Variants in FLT1 observed in about 807,000 individuals in gnomAD.
FLT1 encodes the protein vascular endothelial growth factor receptor 1.
A neutral mutation model predicts 156.3 loss-of-function variants in FLT1; 49 were observed. The ratio of observed to expected loss-of-function variants is 0.31; its 90% confidence interval spans 0.25 to 0.40. The LOEUF (loss-of-function observed/expected upper bound fraction) is 0.40, where lower values mean the gene tolerates loss of function less well. Ranked by LOEUF, FLT1 falls within the 10% of genes least tolerant of loss-of-function variation. The pLI, the probability that FLT1 is intolerant of heterozygous loss-of-function variation, is 1.00. For missense variants in FLT1, 1,322 were observed against 1,637.2 expected, an observed-to-expected ratio of 0.81 and a Z score of 3.32; for synonymous variants, 594 against 583.8, an observed-to-expected ratio of 1.02 and a Z score of -0.25.
rs117529522 is a variant in FLT1, at chr13:28,302,071, C to T, written c.*1096G>A. 778 of 233,410 alleles carry T rather than the reference C, an allele frequency of 3.3e-3. 12 individuals carry two copies. The East Asian group carries it at 0.043, about 13-fold the overall frequency. 14.5% of individuals were successfully genotyped at this position (233,410 alleles called of 1,614,324 possible). The stretch of plus-strand genomic sequence containing the variant: ...TGAATTGGTTTGGTTGGTATAGAGA[C>T]GGGGTTTTCCCTTGACCTTATTGAC... On this transcript the variant is annotated 3_prime_UTR_variant, in exon 30 of 30. Transcript: ENST00000282397.
At chr13:28,368,246 G>C in intron 14 of FLT1, 1 of 305,650 alleles carries the variant, frequency 3.3e-6, no homozygotes, top group Non-Finnish European at 5.6e-6. Flanking sequence ...TCTGCCTCCT[G>C]GGTTCAAGTG....
At chr13:28,400,853 A>G (rs1875387263) in intron 11 of FLT1, among the ~76,000 whole-genome samples, 1 of 152,238 alleles carries the variant, frequency 6.6e-6, no homozygotes, top group Non-Finnish European at 1.5e-5. Flanking sequence ...TTAGTGCTAT[A>G]ATTAGTTTTC....
At chr13:28,303,928 G>A (rs182436586) in intron 29 of FLT1, among the ~76,000 whole-genome samples, 19 of 152,250 alleles carry the variant, frequency 1.2e-4, no homozygotes, top group Admixed American at 3.9e-4. Flanking sequence ...TTTTAGTCAC[G>A]GTGCTGCTTA....
intron 14 of FLT1, among the ~76,000 whole-genome samples, chr13:28,369,072 T>C (rs1461708627): frequency 6.6e-6 from 1 of 152,078 alleles, no homozygotes; most frequent in African/African-American, 2.4e-5. Flanking sequence ...AGCCAAAATA[T>C]AGAAATGGCT....
At chr13:28,436,295 C>T (rs1032258780) in intron 4 of FLT1, among the ~76,000 whole-genome samples, 2 of 151,876 alleles carry the variant, frequency 1.3e-5, no homozygotes, top group African/African-American at 4.8e-5. Context: ...ACAAAGCAGG[C>T]ATGTGAAAAG....
intron 10 of FLT1, among the ~76,000 whole-genome samples, chr13:28,425,496 A>G (rs933344716): frequency 2.7e-4 from 41 of 151,278 alleles, no homozygotes; most frequent in African/African-American, 9.7e-4. Flanking sequence ...AGGTGGCCTC[A>G]TTCCCCAAAC....
intron 1 of FLT1, among the ~76,000 whole-genome samples, chr13:28,468,803 C>T (rs1879990165): frequency 6.6e-6 from 1 of 152,202 alleles, no homozygotes; most frequent in African/African-American, 2.4e-5. Flanking sequence ...CAGATGCTAG[C>T]ACCATGCTTG....
intron 14 of FLT1, among the ~76,000 whole-genome samples, chr13:28,384,519 C>T (rs1324366487): frequency 6.6e-6 from 1 of 151,890 alleles, no homozygotes; most frequent in Non-Finnish European, 1.5e-5. Flanking sequence ...TTCACATATG[C>T]CAGGTGTTCC....
At chr13:28,331,166 G>C (rs928347678) in intron 18 of FLT1, among the ~76,000 whole-genome samples, 1 of 152,246 alleles carries the variant, frequency 6.6e-6, no homozygotes, top group Non-Finnish European at 1.5e-5. Context: ...TGTCCTGGAA[G>C]TGGGTTAGAG....
At chr13:28,377,517 G>C (rs1873892518) in intron 14 of FLT1, among the ~76,000 whole-genome samples, 1 of 152,168 alleles carries the variant, frequency 6.6e-6, no homozygotes, top group Non-Finnish European at 1.5e-5. Flanking sequence ...AGGACACACA[G>C]GGTTGTTGCT....
chr13:28,382,932 G>A (rs1874138021), intron 14 of FLT1, among the ~76,000 whole-genome samples: 1 of 152,128 alleles, frequency 6.6e-6, no homozygotes, highest in Admixed American at 6.5e-5. Context: ...ACCCCATTCT[G>A]TGCATCAAAC....
At chr13:28,380,972 A>G (rs1874056880) in intron 14 of FLT1, among the ~76,000 whole-genome samples, 1 of 152,136 alleles carries the variant, frequency 6.6e-6, no homozygotes, top group Non-Finnish European at 1.5e-5. Context: ...CCAAATTCTT[A>G]TATGACTCAT....
At chr13:28,421,370 G>A (rs939387393) in intron 10 of FLT1, among the ~76,000 whole-genome samples, 2 of 152,062 alleles carry the variant, frequency 1.3e-5, no homozygotes, top group Non-Finnish European at 2.9e-5. Context: ...ACCCTGAAGG[G>A]ACTCATCTGC....
intron 18 of FLT1, among the ~76,000 whole-genome samples, chr13:28,330,329 T>C (rs952126062): frequency 6.6e-6 from 1 of 152,180 alleles, no homozygotes; most frequent in Admixed American, 6.5e-5. Flanking sequence ...ATTAGCAGAG[T>C]CTAAAGCCTA....
chr13:28,322,417 C>CACCA lies in FLT1; in HGVS notation c.2954-59_2954-58insTGGT, dbSNP rs1871498292. 4.6e-6 allele frequency: 5 copies of CACCA among 1,084,314 alleles called. No homozygotes were observed. The highest frequency in any genetic ancestry group is 5.7e-6 in the Non-Finnish European group (4 of 698,938). 67.2% of individuals were successfully genotyped at this position (1,084,314 alleles called of 1,614,324 possible). A position where few individuals can be genotyped will look rare whatever the true frequency, so the allele number is the denominator to read the frequency against. ...TGGCTCTTGTTATCCCACCAAATCC[C>CACCA]AGTTTATTGGAACAATGTTAGCAAA... is the stretch of plus-strand genomic sequence containing the variant. On this transcript the variant is annotated intron_variant, in intron 21 of 29. Coordinates refer to ENST00000282397, the MANE Select transcript of FLT1 (RefSeq NM_002019.4). This position sits in a 1 kb window ranked among gnomAD's most constrained non-coding sequence, Gnocchi z 4.3.
At chr13:28,379,988 A>G (rs1005371793) in intron 14 of FLT1, among the ~76,000 whole-genome samples, 8 of 152,276 alleles carry the variant, frequency 5.3e-5, no homozygotes, top group African/African-American at 1.7e-4. Flanking sequence ...AAAAAATAAC[A>G]ATGATAATGG....
At chr13:28,458,498 T>C (rs1266623903) in intron 3 of FLT1, among the ~76,000 whole-genome samples, 1 of 152,198 alleles carries the variant, frequency 6.6e-6, no homozygotes, top group African/African-American at 2.4e-5. Flanking sequence ...ATTTTACATG[T>C]CCACACACCA....
intron 14 of FLT1, among the ~76,000 whole-genome samples, chr13:28,367,877 A>G (rs1244102117): frequency 1.3e-5 from 2 of 152,330 alleles, no homozygotes; most frequent in East Asian, 3.9e-4. Context: ...TTTATTCATC[A>G]AAGTCCAATT....
At chr13:28,451,751 C>T (rs1056252745) in intron 3 of FLT1, among the ~76,000 whole-genome samples, 8 of 152,318 alleles carry the variant, frequency 5.3e-5, no homozygotes, top group African/African-American at 1.9e-4. Flanking sequence ...GCTCAGCTTC[C>T]TCATCTGGAA....
Sources: allele counts gnomAD v4.1 joint callset (sites outside exome capture counted in the v4.1 genomes callset), GRCh38; gene constraint gnomAD v4.1.1; non-coding constraint Gnocchi (gnomAD v3.1); transcripts MANE v1.5; gene names NCBI Gene and HGNC (gene_info 2026-07-23, HGNC 2026-07-21).